Variants in KIAA0319L observed in about 807,000 individuals in gnomAD.
KIAA0319L encodes dyslexia-associated protein KIAA0319-like protein.
A neutral mutation model predicts 120.1 loss-of-function variants in KIAA0319L; 55 were observed. The ratio of observed to expected loss-of-function variants is 0.46; its 90% CI spans 0.37 to 0.57. The LOEUF is 0.57. KIAA0319L is among the 20% of genes least tolerant of loss of function. The probability of loss-of-function intolerance (pLI) is 0.00; values close to 1 mark genes in which losing one functional copy is unlikely to be tolerated. For missense variants in KIAA0319L, 1,049 were observed against 1,255.3 expected (o/e 0.84, Z 2.48); for synonymous variants, 398 against 471.9 (o/e 0.84, Z 2.03).
At chr1:35,483,599 A>G (rs1050229354) in intron 3 of KIAA0319L, among the ~76,000 whole-genome samples, 1 of 152,160 alleles carries the variant, frequency 6.6e-6, no homozygotes, top group African/African-American at 2.4e-5. Context: ...TTTTATACCA[A>G]TACCACTGCC....
At position 35,557,305 on chromosome 1, in the gene KIAA0319L, CGGA is replaced by C. The variant is rs28366020; in HGVS notation, c.-130_-128del. On this transcript the variant is annotated 5_prime_UTR_variant, in exon 1 of 21. Transcript: ENST00000325722. ...ACCCCCAACCTTCGCTCCCCTCACC[CGGA>C]GGAGGAGGAGGAAGAGGAAGAAGGT... is the stretch of plus-strand genomic sequence containing the variant. 45,387 of 231,720 alleles carry C rather than the reference CGGA, an allele frequency of 0.2. 11,252 individuals carry two copies. The highest frequency in any genetic ancestry group is 0.77 in the East Asian group (4,291 of 5,556). The allele number at this position is 231,720 out of a possible 1,614,324, so 14.4% of individuals were successfully genotyped here. A position where few individuals can be genotyped will look rare whatever the true frequency, so the allele number is the denominator to read the frequency against.
rs141836263 is a variant in KIAA0319L at position 35,494,161 on chromosome 1, T to C, written c.666+12451A>G. ...TTAAACATCATCTGATTTAAACATA[T>C]ATTACAGCCGGGCTCAATGGCTCAC... On this transcript the variant is annotated intron_variant, in intron 3 of 20. Transcript: ENST00000325722. Among the ~76,000 whole-genome samples, 173 of 152,236 alleles carry C rather than the reference T, an allele frequency of 1.1e-3. 1 individual carries two copies. The highest frequency in any genetic ancestry group is 1.9e-3 in the Admixed American group (29 of 15,264).
At position 35,460,299 on chromosome 1, in the gene KIAA0319L, A is replaced by G; in HGVS notation, c.1427+6T>C. ...ATGGTAAACTTGAAGCTGAATCCTAATTTACCTGAAAGTGTAGTTCCCAGG... is the reference window on the plus strand; with the variant it reads ...ATGGTAAACTTGAAGCTGAATCCTAGTTTACCTGAAAGTGTAGTTCCCAGG... On this transcript the variant is annotated splice_donor_region_variant and intron_variant, in intron 9 of 20. Transcript: ENST00000325722. The G allele has an allele frequency of 6.2e-7, 1 of 1,608,696 alleles. No homozygotes were observed. The highest frequency in any genetic ancestry group is 8.5e-7 in the Non-Finnish European group (1 of 1,178,400).
chr1:35,553,833 G>A (rs1647531271), intron 2 of KIAA0319L, among the ~76,000 whole-genome samples: 1 of 152,196 alleles, frequency 6.6e-6, no homozygotes, highest in South Asian at 2.1e-4. Flanking sequence ...GGAAAGCATA[G>A]TCTAAAAAAT....
At chr1:35,472,904 T>G (rs1643713585) in intron 5 of KIAA0319L, among the ~76,000 whole-genome samples, 1 of 147,910 alleles carries the variant, frequency 6.8e-6, no homozygotes, top group Non-Finnish European at 1.5e-5. Context: ...TTCTCAAGCC[T>G]CAACCTCCCC....
chr1:35,492,691 T>C (rs1261290865), intron 3 of KIAA0319L, among the ~76,000 whole-genome samples: 1 of 152,042 alleles, frequency 6.6e-6, no homozygotes, highest in East Asian at 1.9e-4. Context: ...ACAAAATCCA[T>C]CAATTATTCC....
intron 20 of KIAA0319L, chr1:35,439,564 G>A (rs935259100): frequency 7.2e-5 from 11 of 152,244 alleles, no homozygotes; most frequent in African/African-American, 1.7e-4. Flanking sequence ...ATGAGACAGC[G>A]AGAGAAATGC....
rs1051705762 is a variant in KIAA0319L, at chr1:35,484,675, T to A, written c.667-5463A>T. Among the ~76,000 whole-genome samples the A allele has an allele frequency of 2.0e-5, 3 of 150,632 alleles. No individual in the cohort carries two copies. In the South Asian group the frequency reaches 6.3e-4, roughly 31 times the overall value. ...TTGGCTAGGACCTCTACTACAATAT[T>A]GACCAAATGTGGTTAGAGCCACTTC... is the stretch of plus-strand genomic sequence containing the variant. On this transcript the variant is annotated intron_variant, in intron 3 of 20. Coordinates refer to ENST00000325722, the MANE Select transcript of KIAA0319L (RefSeq NM_024874.5).
chr1:35,466,052 A>G (rs1250527376), intron 7 of KIAA0319L, among the ~76,000 whole-genome samples: 1 of 152,212 alleles, frequency 6.6e-6, no homozygotes, highest in Non-Finnish European at 1.5e-5. Flanking sequence ...TACTAATACA[A>G]CTGCCCATCT....
chr1:35,486,255 G>A (rs1029349349), intron 3 of KIAA0319L, among the ~76,000 whole-genome samples: 4 of 151,612 alleles, frequency 2.6e-5, no homozygotes, highest in Non-Finnish European at 4.4e-5. Context: ...GTGGTGGTGC[G>A]CACTTGTAAT....
chr1:35,501,002 C>T (rs757934809), intron 3 of KIAA0319L, among the ~76,000 whole-genome samples: 3 of 151,908 alleles, frequency 2.0e-5, no homozygotes, highest in Non-Finnish European at 4.4e-5. Context: ...TGTAATGCCT[C>T]CGTGCAACAC....
chr1:35,455,976 T>C (rs769148176), intron 10 of KIAA0319L, 37 bp downstream of exon 10: 162 of 1,515,498 alleles, frequency 1.1e-4, no homozygotes, highest in Non-Finnish European at 1.2e-4. Flanking sequence ...GCTCTACTTC[T>C]CTTGGGCAAG....
chr1:35,447,007 C>T (rs1244933609), intron 16 of KIAA0319L, among the ~76,000 whole-genome samples: 2 of 152,146 alleles, frequency 1.3e-5, no homozygotes, highest in Non-Finnish European at 2.9e-5. Context: ...TCTATCCAGA[C>T]ATCCAAACCA....
chr1:35,554,271 C>CCTTAAAATGAACT, intron 2 of KIAA0319L, 79 bp downstream of exon 2: 1 of 1,107,816 alleles, frequency 9.0e-7, no homozygotes, highest in Non-Finnish European at 1.2e-6. Flanking sequence ...TCCTAATAGT[C>CCTTAAAATGAACT]CTTAAAATGA....
intron 2 of KIAA0319L, among the ~76,000 whole-genome samples, chr1:35,549,787 G>A (rs964904787): frequency 1.3e-5 from 2 of 152,142 alleles, no homozygotes; most frequent in Non-Finnish European, 2.9e-5. Context: ...CTCTGATTTT[G>A]TTGTTTTTAA....
In KIAA0319L at chr1:35,554,499, C is replaced by A. The variant is rs1030799243; in HGVS notation, c.-8G>T. Reference sequence around the variant, plus strand: ...TCCCAGCCTCTTCTCCATGGCCCTCCAGACAGGCAGAACCAGTACACTAGA... The same window carrying A: ...TCCCAGCCTCTTCTCCATGGCCCTCAAGACAGGCAGAACCAGTACACTAGA... On this transcript the variant is annotated 5_prime_UTR_variant, in exon 2 of 21. Transcript: ENST00000325722. The A allele has an allele frequency of 6.2e-7, 1 of 1,600,844 alleles. No individual in the cohort carries two copies. Among genetic ancestry groups the A allele is most frequent in the Non-Finnish European group, 8.5e-7 (1 of 1,175,762 alleles).
chr1:35,494,654 A>G (rs1254476926), intron 3 of KIAA0319L, among the ~76,000 whole-genome samples: 1 of 151,452 alleles, frequency 6.6e-6, no homozygotes, highest in Non-Finnish European at 1.5e-5. Flanking sequence ...GGGAAAAAAA[A>G]AAAACAAACT....
chr1:35,451,391 A>C (rs1642052028), intron 13 of KIAA0319L, among the ~76,000 whole-genome samples: 1 of 152,190 alleles, frequency 6.6e-6, no homozygotes, highest in Non-Finnish European at 1.5e-5. Flanking sequence ...CTGAAAAGAA[A>C]GTAAGGGGAT....
intron 20 of KIAA0319L, among the ~76,000 whole-genome samples, chr1:35,435,802 C>G (rs891671640): frequency 6.6e-6 from 1 of 152,176 alleles, no homozygotes. Context: ...CTATAGATGC[C>G]GAGCGGCCAC....
Sources: allele counts gnomAD v4.1 joint callset (sites outside exome capture counted in the v4.1 genomes callset), GRCh38; gene constraint gnomAD v4.1.1; transcripts MANE v1.5; gene names NCBI Gene and HGNC (gene_info 2026-07-23, HGNC 2026-07-21).